Variants in CNTN5 observed in about 807,000 individuals in gnomAD.
CNTN5 encodes the protein contactin-5.
Under a neutral mutation model 129.1 loss-of-function variants are expected in CNTN5, and 77 were observed. That is an observed-to-expected ratio of 0.60 (90% CI 0.50 to 0.72). CNTN5 has a LOEUF of 0.72. Ranked by LOEUF, CNTN5 falls within the 30% of genes least tolerant of loss-of-function variation. CNTN5 has a pLI of 0.00. For missense variants in CNTN5, 1,478 were observed against 1,328.8 expected (o/e 1.11, Z -1.75); for synonymous variants, 509 against 465.6 (o/e 1.09, Z -1.20).
At chr11:99,669,850 CCTGT>C (rs1034266674) in intron 3 of CNTN5, among the ~76,000 whole-genome samples, 6 of 152,072 alleles carry the variant, frequency 3.9e-5, no homozygotes, top group African/African-American at 1.4e-4. Context: ...CATTCAACAC[CCTGT>C]CTGTGTATTT....
intron 1 of CNTN5, among the ~76,000 whole-genome samples, chr11:99,102,985 C>T (rs1245138112): frequency 1.3e-5 from 2 of 152,084 alleles, no homozygotes; most frequent in Non-Finnish European, 2.9e-5. Flanking sequence ...AGGGAGGCCT[C>T]ACAGTCATGG....
intron 3 of CNTN5, among the ~76,000 whole-genome samples, chr11:99,717,210 C>A (rs1185426355): frequency 6.6e-6 from 1 of 151,906 alleles, no homozygotes; most frequent in Non-Finnish European, 1.5e-5. Context: ...CATTTTTTAA[C>A]CTTGCTATAT....
At chr11:100,277,807 A>T (rs1565393121) in intron 18 of CNTN5, among the ~76,000 whole-genome samples, 1 of 151,932 alleles carries the variant, frequency 6.6e-6, no homozygotes, top group African/African-American at 2.4e-5. Flanking sequence ...GCTGTGTAGA[A>T]GCTTTTTAAA....
intron 1 of CNTN5, chr11:99,049,601 G>A (rs1864346690): frequency 6.6e-6 from 1 of 152,072 alleles, no homozygotes; most frequent in Non-Finnish European, 1.5e-5. Flanking sequence ...TCATCTCTAG[G>A]TATCCATGGA....
intron 18 of CNTN5, among the ~76,000 whole-genome samples, chr11:100,275,004 G>A (rs1003881875): frequency 7.9e-5 from 12 of 151,348 alleles, no homozygotes; most frequent in Non-Finnish European, 1.5e-4. Context: ...AAGTTTAATT[G>A]CCAAAAAAAT....
At chr11:100,245,422 C>G (rs917937659) in intron 16 of CNTN5, among the ~76,000 whole-genome samples, 1 of 152,028 alleles carries the variant, frequency 6.6e-6, no homozygotes, top group Non-Finnish European at 1.5e-5. Flanking sequence ...TGGCTTAGGC[C>G]TAGCTTCCTG....
intron 18 of CNTN5, among the ~76,000 whole-genome samples, chr11:100,294,099 G>T (rs987095633): frequency 1.3e-5 from 2 of 151,396 alleles, no homozygotes; most frequent in African/African-American, 2.4e-5. Flanking sequence ...CTCCAAAATT[G>T]TATGGCCTGT....
chr11:99,804,491 C>T (rs529160861), intron 3 of CNTN5, among the ~76,000 whole-genome samples: 115 of 151,300 alleles, frequency 7.6e-4, no homozygotes, highest in African/African-American at 2.7e-3. Context: ...TATTAGTTCA[C>T]CTAAAGCCAT....
intron 13 of CNTN5, among the ~76,000 whole-genome samples, chr11:100,159,962 ATACATAGGCAGAACGTGCAGGTTTGT>A (rs1947387901): frequency 6.6e-6 from 1 of 151,684 alleles, no homozygotes; most frequent in South Asian, 2.1e-4. Flanking sequence ...AGTTCTGGGG[ATACATAGGCAGAACGTGCAGGTTTGT>A]TACATAGGTA....
chr11:100,141,011 A>T (rs900848658), intron 13 of CNTN5, among the ~76,000 whole-genome samples: 5 of 152,136 alleles, frequency 3.3e-5, no homozygotes, highest in African/African-American at 1.2e-4. Flanking sequence ...GCTAACAGGG[A>T]AGTATTGTCG....
intron 6 of CNTN5, among the ~76,000 whole-genome samples, chr11:99,849,536 T>G (rs75868803): frequency 6.6e-6 from 1 of 152,220 alleles, no homozygotes; most frequent in East Asian, 1.9e-4. Flanking sequence ...TTTCAATGAG[T>G]GTAATGTCAT....
intron 1 of CNTN5, among the ~76,000 whole-genome samples, chr11:99,293,902 G>C (rs1442703249): frequency 1.3e-5 from 2 of 151,292 alleles, no homozygotes; most frequent in African/African-American, 4.8e-5. Flanking sequence ...TAAGTTTTCT[G>C]TTTTACTTAT....
chr11:99,775,018 C>A (rs1320500952), intron 3 of CNTN5, among the ~76,000 whole-genome samples: 3 of 152,052 alleles, frequency 2.0e-5, no homozygotes, highest in Non-Finnish European at 4.4e-5. Flanking sequence ...AATAAATTGA[C>A]CATGCTTTGG....
intron 3 of CNTN5, among the ~76,000 whole-genome samples, chr11:99,676,229 T>G (rs933643427): frequency 3.9e-5 from 6 of 152,198 alleles, no homozygotes; most frequent in African/African-American, 1.4e-4. Flanking sequence ...GCACCACTGG[T>G]GCTCAGAATA....
intron 13 of CNTN5, among the ~76,000 whole-genome samples, chr11:100,146,672 T>G (rs1447719261): frequency 1.3e-5 from 2 of 152,160 alleles, no homozygotes; most frequent in Non-Finnish European, 2.9e-5. Flanking sequence ...TCATATTCAC[T>G]GTTGAAAATA....
In CNTN5 at chr11:100,135,863, T is replaced by C. The variant is rs149473043; in HGVS notation, c.1581-55263T>C. ...TCTATTTGGTTTCAATCATAACTTA[T>C]AGGTTGATTTTAAATGATGGTCCAT... On this transcript the variant is annotated intron_variant, in intron 13 of 24. Transcript: ENST00000524871. Among the ~76,000 whole-genome samples the C allele has an allele frequency of 3.3e-5, 5 of 152,242 alleles. No homozygotes were observed. The East Asian group carries it at 5.8e-4, about 18-fold the overall frequency.
intron 6 of CNTN5, among the ~76,000 whole-genome samples, chr11:99,870,688 A>G (rs1352729204): frequency 6.6e-6 from 1 of 152,114 alleles, no homozygotes; most frequent in East Asian, 1.9e-4. Flanking sequence ...TTTTCTTTGT[A>G]ATTACGGACA....
rs1351767233 is a variant in CNTN5 at position 99,523,689 on chromosome 11, CAGAACAGAAT to C, written c.-70-32441_-70-32432del. ...CAGAACAGAACAGAACAGAACAGAA[CAGAACAGAAT>C]AGAACAGAATAGAATAGAATAGAAT... On this transcript the variant is annotated intron_variant, in intron 2 of 24. Coordinates refer to ENST00000524871, the MANE Select transcript of CNTN5 (RefSeq NM_014361.4). Among the ~76,000 whole-genome samples, 89 of 71,682 alleles carry C rather than the reference CAGAACAGAAT, an allele frequency of 1.2e-3. 1 individual carries two copies. Among genetic ancestry groups the C allele is most frequent in the African/African-American group, 6.0e-3 (86 of 14,392 alleles). 47.0% of individuals were successfully genotyped at this position (71,682 alleles called of 152,430 possible). A position where few individuals can be genotyped will look rare whatever the true frequency, so the allele number is the denominator to read the frequency against.
chr11:100,255,048 A>G (rs1412366653), intron 16 of CNTN5, among the ~76,000 whole-genome samples: 1 of 152,192 alleles, frequency 6.6e-6, no homozygotes, highest in African/African-American at 2.4e-5. Flanking sequence ...AGATTAGTCA[A>G]TAATATTCTA....
Sources: gnomAD v4.1 joint callset for allele counts (sites outside exome capture counted in the v4.1 genomes callset) on GRCh38, gnomAD v4.1.1 for gene constraint, MANE v1.5 for transcripts, NCBI Gene and HGNC (gene_info 2026-07-23, HGNC 2026-07-21) for gene names.